Variants in SH3D19 observed in about 807,000 individuals in gnomAD.
SH3D19 encodes the protein SH3 domain containing 19, also known as SH3 domain-containing protein 19.
Under a neutral mutation model 112.1 loss-of-function variants are expected in SH3D19, and 58 were observed. That is an observed-to-expected ratio of 0.52 (90% CI 0.42 to 0.64). The LOEUF is 0.64. SH3D19 is among the 30% of genes least tolerant of loss of function. The probability of loss-of-function intolerance (pLI) is 0.00; values close to 1 mark genes in which losing one functional copy is unlikely to be tolerated. For synonymous variants in SH3D19, 391 were observed against 448.5 expected (o/e 0.87, Z 1.62); for missense variants, 1,090 against 1,263.4 (o/e 0.86, Z 2.08).
chr4:151,176,630 T>C lies in SH3D19; in HGVS notation c.433A>G (p.Thr145Ala). Residue 145 changes from threonine (T) to alanine (A), a missense_variant, in exon 6 of 20, where the codon ACA becomes GCA. By Grantham distance (58) the Thr-to-Ala change is moderately conservative. Coordinates refer to ENST00000604030, the MANE Select transcript of SH3D19 (RefSeq NM_001378122.1). Reference sequence around the variant, plus strand: ...GTAGCAGCAGCATTATTATTATTTGTAGTATTAACTTGAACTTGGTTGATT... The same window carrying C: ...GTAGCAGCAGCATTATTATTATTTGCAGTATTAACTTGAACTTGGTTGATT... ...KEINQVQVNT[T>A]NNNNAAATPR... is the part of the protein sequence containing the mutation. The C allele has an allele frequency of 1.6e-6, 2 of 1,231,840 alleles. No individual in the cohort carries two copies. The highest frequency in any genetic ancestry group is 2.0e-6 in the Non-Finnish European group (2 of 987,670). The allele number at this position is 1,231,840 out of a possible 1,614,324, so 76.3% of individuals were successfully genotyped here. A position where few individuals can be genotyped will look rare whatever the true frequency, so the allele number is the denominator to read the frequency against.
At chr4:151,200,798 G>A (rs1248955441) in intron 2 of SH3D19, among the ~76,000 whole-genome samples, 1 of 152,244 alleles carries the variant, frequency 6.6e-6, no homozygotes, top group Admixed American at 6.5e-5. Context: ...GGTTGCTCAT[G>A]CAATTGACAA....
At chr4:151,180,929 A>T (rs368713451) in intron 3 of SH3D19, among the ~76,000 whole-genome samples, 26 of 131,990 alleles carry the variant, frequency 2.0e-4, no homozygotes, top group Admixed American at 4.5e-4. Flanking sequence ...ATGCCCGGCT[A>T]TTTTTTTTTT....
intron 2 of SH3D19, among the ~76,000 whole-genome samples, chr4:151,187,724 T>C (rs563737090): frequency 1.3e-5 from 2 of 152,370 alleles, no homozygotes; most frequent in South Asian, 2.1e-4. Context: ...ATACTGTATC[T>C]TCCAGTGAAA....
intron 2 of SH3D19, among the ~76,000 whole-genome samples, chr4:151,198,230 G>T (rs550127188): frequency 6.7e-6 from 1 of 149,864 alleles, no homozygotes; most frequent in African/African-American, 2.5e-5. Context: ...ACTTGAACCC[G>T]AGAGGTGGAG....
intron 7 of SH3D19, among the ~76,000 whole-genome samples, chr4:151,167,769 C>T: frequency 6.6e-6 from 1 of 151,842 alleles, no homozygotes; most frequent in African/African-American, 2.4e-5. Flanking sequence ...TTACTGGCCA[C>T]CCCGTCTGGG....
chr4:151,133,268 TAG>T (rs1751118038), intron 15 of SH3D19, 32 bp from the exon 16 acceptor site: 3 of 1,580,178 alleles, frequency 1.9e-6, no homozygotes, highest in Admixed American at 1.7e-5. Flanking sequence ...TGGATTAGAC[TAG>T]AGAGTGCTTT....
rs1768940959 is a variant in SH3D19 at position 151,226,041 on chromosome 4, T to A, written c.152+6A>T. On this transcript the variant is annotated splice_donor_region_variant and intron_variant, in intron 2 of 19. Transcript: ENST00000604030. ...TACAGAATTATTAGATACTGTAAAT[T>A]CATACCTTGAAGAACGATGTTCTGG... The A allele has an allele frequency of 8.1e-7, 1 of 1,230,686 alleles. No individual in the cohort carries two copies. Among genetic ancestry groups the A allele is most frequent in the African/African-American group, 1.6e-5 (1 of 64,400 alleles). 76.2% of individuals were successfully genotyped at this position (1,230,686 alleles called of 1,614,324 possible).
chr4:151,234,735 GTTTTTTT>G (rs541665981), intron 1 of SH3D19, among the ~76,000 whole-genome samples: 18 of 25,074 alleles, frequency 7.2e-4, no homozygotes, highest in Admixed American at 1.3e-3. Flanking sequence ...CCAAGTTTGT[GTTTTTTT>G]TTTTTTTTTT....
intron 2 of SH3D19, among the ~76,000 whole-genome samples, chr4:151,194,975 T>C (rs1176058858): frequency 6.7e-6 from 1 of 150,250 alleles, no homozygotes; most frequent in Non-Finnish European, 1.5e-5. Context: ...CCCGGTAGGC[T>C]GAGGCATGAG....
chr4:151,257,621 A>G (rs1353463141), intron 1 of SH3D19, among the ~76,000 whole-genome samples: 1 of 152,100 alleles, frequency 6.6e-6, no homozygotes, highest in East Asian at 1.9e-4. Context: ...CATGCTATTA[A>G]AAATAGTAAC....
intron 19 of SH3D19, among the ~76,000 whole-genome samples, chr4:151,124,810 T>TAAC (rs376929904): frequency 6.6e-6 from 1 of 152,156 alleles, no homozygotes; most frequent in African/African-American, 2.4e-5. Context: ...ACAACAACAA[T>TAAC]AACAACAACA....
chr4:151,247,035 CTT>C, intron 1 of SH3D19, among the ~76,000 whole-genome samples: 1 of 152,286 alleles, frequency 6.6e-6, no homozygotes, highest in East Asian at 1.9e-4. Context: ...AGCTGAAACT[CTT>C]TAGCATTACA....
At chr4:151,145,597 C>G in intron 11 of SH3D19, among the ~76,000 whole-genome samples, 1 of 152,220 alleles carries the variant, frequency 6.6e-6, no homozygotes, top group Non-Finnish European at 1.5e-5. Context: ...CCCGCCTGCA[C>G]CCAGGTGAAA....
At chr4:151,250,469 A>G (rs1771278098) in intron 1 of SH3D19, among the ~76,000 whole-genome samples, 1 of 151,858 alleles carries the variant, frequency 6.6e-6, no homozygotes, top group Non-Finnish European at 1.5e-5. Context: ...ACATGTGTAT[A>G]TGGACCCCAC....
intron 1 of SH3D19, among the ~76,000 whole-genome samples, chr4:151,272,763 CTTT>C: frequency 7.0e-6 from 1 of 142,760 alleles, no homozygotes; most frequent in South Asian, 2.2e-4. Flanking sequence ...TTTCACTTTT[CTTT>C]TTTTTTTTTT....
intron 7 of SH3D19, among the ~76,000 whole-genome samples, chr4:151,169,137 G>T (rs1043081473): frequency 1.3e-5 from 2 of 152,102 alleles, no homozygotes; most frequent in African/African-American, 4.8e-5. Context: ...TAACCTGAAG[G>T]ATTTAAATTG....
chr4:151,275,304 G>T (rs916704547), intron 1 of SH3D19, among the ~76,000 whole-genome samples: 1 of 152,048 alleles, frequency 6.6e-6, no homozygotes, highest in African/African-American at 2.4e-5. Context: ...AGCCAGGATG[G>T]TCTCGATCTC....
intron 7 of SH3D19, among the ~76,000 whole-genome samples, chr4:151,172,108 G>C (rs543249586): frequency 6.6e-6 from 1 of 152,072 alleles, no homozygotes; most frequent in Non-Finnish European, 1.5e-5. Flanking sequence ...AGAGTTATTT[G>C]TAAGTTTCTC....
chr4:151,284,015 T>C (rs1463599853), intron 1 of SH3D19, among the ~76,000 whole-genome samples: 3 of 152,186 alleles, frequency 2.0e-5, no homozygotes, highest in Non-Finnish European at 4.4e-5. Flanking sequence ...TTACCTTTGA[T>C]TGTCAGCAGT....
Sources: allele counts gnomAD v4.1 joint callset (sites outside exome capture counted in the v4.1 genomes callset), GRCh38; gene constraint gnomAD v4.1.1; transcripts MANE v1.5; gene names NCBI Gene and HGNC (gene_info 2026-07-23, HGNC 2026-07-21).